DPP4: variants seen among roughly 807,000 people sequenced by gnomAD.
The protein encoded by DPP4 is ADCP-2.
Under a neutral mutation model 122.4 loss-of-function variants are expected in DPP4, and 93 were observed. The ratio of observed to expected loss-of-function variants is 0.76; its 90% confidence interval spans 0.64 to 0.90. The LOEUF is 0.90. Ranked by LOEUF, DPP4 falls within the 40% of genes least tolerant of loss-of-function variation. DPP4 has a pLI of 0.00. For missense variants in DPP4, 914 were observed against 907.3 expected (o/e 1.01, Z -0.09); for synonymous variants, 321 against 302.9 (o/e 1.06, Z -0.62).
chr2:161,995,514 T>A, intron 23 of DPP4, 142 bp from the exon 24 acceptor site: 1 of 694,902 alleles, frequency 1.4e-6, no homozygotes, highest in South Asian at 1.7e-5. Flanking sequence ...AAGCAAATGC[T>A]GTCTCCATGC....
At chr2:162,066,880 C>A (rs1261108712) in intron 2 of DPP4, among the ~76,000 whole-genome samples, 2 of 152,142 alleles carry the variant, frequency 1.3e-5, no homozygotes, top group Non-Finnish European at 2.9e-5. Context: ...ACGAATAGAG[C>A]AAGAACTCAC....
intron 19 of DPP4, among the ~76,000 whole-genome samples, chr2:162,013,160 C>T (rs2042069): frequency 0.68 from 101,766 of 150,326 alleles, 35,736 homozygotes; most frequent in African/African-American, 0.88. Flanking sequence ...AAAAAAGACC[C>T]TAAAAGAGAG....
intron 20 of DPP4, among the ~76,000 whole-genome samples, chr2:162,009,683 C>T (rs1448626850): frequency 2.0e-5 from 3 of 151,988 alleles, no homozygotes; most frequent in Non-Finnish European, 2.9e-5. Flanking sequence ...GGAGAGTCTG[C>T]CCCTGCAATG....
chr2:162,059,345 A>G (rs904805440), intron 2 of DPP4, among the ~76,000 whole-genome samples: 2 of 152,194 alleles, frequency 1.3e-5, no homozygotes, highest in African/African-American at 4.8e-5. Flanking sequence ...TAATACGTAC[A>G]GGGCTTCTAT....
chr2:162,026,515 T>G (rs542333518), intron 10 of DPP4, among the ~76,000 whole-genome samples: 1 of 152,206 alleles, frequency 6.6e-6, no homozygotes, highest in Non-Finnish European at 1.5e-5. Flanking sequence ...GTCTTGCTCT[T>G]TAGCCTGAAG....
intron 10 of DPP4, among the ~76,000 whole-genome samples, chr2:162,027,326 G>T (rs567347775): frequency 6.6e-6 from 1 of 151,746 alleles, no homozygotes. Context: ...ACTCTAGCCT[G>T]GGTGAGAGTG....
rs1263904566 is a variant in DPP4 at position 162,064,341 on chromosome 2, T to C, written c.94+9058A>G. Among the ~76,000 whole-genome samples the C allele has an allele frequency of 5.3e-5, 8 of 152,300 alleles. No individual in the cohort carries two copies. In the East Asian group the frequency reaches 7.7e-4, roughly 15 times the overall value. Reference sequence around the variant, plus strand: ...TTTCATTTTAAGAAAATCATTACCATGCAGAGTAATTTTTTCGCTGGAAAT... The same window carrying C: ...TTTCATTTTAAGAAAATCATTACCACGCAGAGTAATTTTTTCGCTGGAAAT... On this transcript the variant is annotated intron_variant, in intron 2 of 25. Transcript: ENST00000360534.
intron 23 of DPP4, among the ~76,000 whole-genome samples, chr2:161,999,098 G>C (rs1411479641): frequency 6.6e-6 from 1 of 152,112 alleles, no homozygotes; most frequent in Non-Finnish European, 1.5e-5. Context: ...AGGCTACACA[G>C]AACATTTTTT....
At chr2:162,073,827 G>T in intron 1 of DPP4, 149 bp downstream of exon 1, 1 of 1,083,044 alleles carries the variant, frequency 9.2e-7, no homozygotes, top group Non-Finnish European at 1.3e-6. Flanking sequence ...AGAGCTCTGG[G>T]ACGTCCCTTC....
rs890369343 is a variant in DPP4 at position 162,034,206 on chromosome 2, A to G, written c.775-553T>C. 1.8e-4 allele frequency among the ~76,000 whole-genome samples: 28 copies of G among 152,168 alleles called. 1 individual carries two copies. Among genetic ancestry groups the G allele is most frequent in the African/African-American group, 6.7e-4 (28 of 41,548 alleles). On this transcript the variant is annotated intron_variant, in intron 9 of 25. Transcript: ENST00000360534. ...TTGGAGCTTTACAATCAATATTATG[A>G]CTGAAACCTATAAAACCTTTTTAAA...
chr2:162,033,650 C>T lies in DPP4; in HGVS notation c.778G>A (p.Gly260Arg), dbSNP rs200878677. ...AACTTTACAGTTGGATTCACAGCTCCTGCCTAGGAAAAAATAATCACAGAA... is the reference window on the plus strand; with the variant it reads ...AACTTTACAGTTGGATTCACAGCTCTTGCCTAGGAAAAAATAATCACAGAA... ...KTVRVPYPKAGAVNPTVKFFV... is the reference protein window; with the variant it reads ...KTVRVPYPKARAVNPTVKFFV... Residue 260 changes from glycine (G) to arginine (R), a missense_variant, in exon 10 of 26, where the codon GGA (glycine) becomes AGA (arginine). Transcript: ENST00000360534. The T allele has an allele frequency of 3.2e-5, 52 of 1,600,368 alleles. No homozygotes were observed. Among genetic ancestry groups the T allele is most frequent in the Non-Finnish European group, 4.3e-5 (50 of 1,174,584 alleles).
In DPP4 at chr2:162,038,351, C is replaced by A. The variant is rs377414220; in HGVS notation, c.564G>T (p.Thr188=). The change falls in exon 8 of 26, where the codon ACG becomes ACT. Residue 188 remains threonine, a synonymous_variant. Transcript: ENST00000360534. The part of the protein sequence containing the change: ...PNLPSYRITW[T]GKEDIIYNGI... ...CATTATATATTATATCTTCTTTCCC[C>A]GTCCATGTGATTCTGTAACTTGGTA... 6.2e-7 allele frequency: 1 copy of A among 1,607,366 alleles called. No homozygotes were observed. The highest frequency in any genetic ancestry group is 2.2e-5 in the East Asian group (1 of 44,598).
intron 10 of DPP4, among the ~76,000 whole-genome samples, chr2:162,031,749 C>A (rs1442992966): frequency 6.6e-6 from 1 of 152,140 alleles, no homozygotes; most frequent in African/African-American, 2.4e-5. Context: ...TCTCTCTTAT[C>A]ACTCCTGGGG....
intron 2 of DPP4, among the ~76,000 whole-genome samples, chr2:162,070,263 C>T (rs1432126958): frequency 6.6e-6 from 1 of 152,110 alleles, no homozygotes; most frequent in East Asian, 1.9e-4. Flanking sequence ...AATAATATGA[C>T]TTCAAGGAGT....
intron 18 of DPP4, among the ~76,000 whole-genome samples, chr2:162,015,477 A>C (rs577457393): frequency 4.6e-5 from 7 of 151,988 alleles, no homozygotes; most frequent in African/African-American, 1.7e-4. Context: ...TTTTTAATGA[A>C]TATGCAAAAC....
At chr2:162,046,736 A>G in intron 4 of DPP4, 179 bp downstream of exon 4, 1 of 666,442 alleles carries the variant, frequency 1.5e-6, no homozygotes. Flanking sequence ...AGGAATCGTC[A>G]AAGGAGACTA....
chr2:162,061,208 C>T (rs1444278186), intron 2 of DPP4, among the ~76,000 whole-genome samples: 5 of 152,136 alleles, frequency 3.3e-5, no homozygotes, highest in African/African-American at 1.2e-4. Flanking sequence ...TGCCCAGCTG[C>T]ATCTTCAGTT....
At chr2:162,069,464 TTC>T (rs1685046927) in intron 2 of DPP4, among the ~76,000 whole-genome samples, 1 of 152,236 alleles carries the variant, frequency 6.6e-6, no homozygotes, top group Non-Finnish European at 1.5e-5. Flanking sequence ...AGTCTTCATT[TTC>T]TCTCTCTTTG....
chr2:162,035,843 T>C lies in DPP4; in HGVS notation c.614-519A>G, dbSNP rs192801044. ...AGGTGTGGGAAGGATAGATTTAGAA[T>C]GGCAAGGAACTCCATTGAGACCCCT... On this transcript the variant is annotated intron_variant, in intron 8 of 25. Transcript: ENST00000360534. Among the ~76,000 whole-genome samples the C allele has an allele frequency of 1.2e-4, 18 of 152,264 alleles. No homozygotes were observed. The East Asian group carries it at 3.5e-3, about 29-fold the overall frequency.
Sources: gnomAD v4.1 joint callset for allele counts (sites outside exome capture counted in the v4.1 genomes callset) on GRCh38, gnomAD v4.1.1 for gene constraint, MANE v1.5 for transcripts, NCBI Gene and HGNC (gene_info 2026-07-23, HGNC 2026-07-21) for gene names.